FGD5: variants seen among roughly 807,000 people sequenced by gnomAD.
The protein encoded by FGD5 is FYVE, RhoGEF and PH domain-containing protein 5.
A neutral mutation model predicts 133.4 loss-of-function variants in FGD5; 28 were observed. The ratio of observed to expected loss-of-function variants is 0.21; its 90% CI spans 0.16 to 0.29. FGD5 has a LOEUF of 0.29. FGD5 is among the 10% of genes least tolerant of loss of function. FGD5 has a pLI of 1.00. For missense variants in FGD5, 1,858 were observed against 1,895.2 expected, an observed-to-expected ratio of 0.98 and a Z score of 0.36; for synonymous variants, 810 against 776.5, an observed-to-expected ratio of 1.04 and a Z score of -0.72.
In FGD5 at chr3:14,857,993, G is replaced by A. The variant is rs576351112; in HGVS notation, c.2526-6135G>A. 4.0e-5 allele frequency among the ~76,000 whole-genome samples: 6 copies of A among 151,864 alleles called. No homozygotes were observed. In the South Asian group the frequency reaches 1.3e-3, roughly 32 times the overall value. On this transcript the variant is annotated intron_variant, in intron 1 of 19. Transcript: ENST00000285046. ...AACTTGCTTGAAGTGGCACAGCTGG[G>A]ATTCCACCCAGGCAGTCTGTCTGAG...
intron 9 of FGD5, among the ~76,000 whole-genome samples, chr3:14,902,281 T>TAAAAAA (rs34728691): frequency 8.0e-6 from 1 of 124,486 alleles, no homozygotes. Flanking sequence ...GATTCCATCT[T>TAAAAAA]AAAAAAAAAA....
intron 10 of FGD5, among the ~76,000 whole-genome samples, chr3:14,910,120 A>G (rs1225970946): frequency 1.3e-5 from 2 of 152,214 alleles, no homozygotes; most frequent in Admixed American, 6.5e-5. Flanking sequence ...TAAAAAATAC[A>G]TAAAATGAAT....
Position 14,844,218 on chromosome 3 carries a change from ATATATATATATATATATATAT to A in FGD5, c.2526-19909_2526-19889del, listed in dbSNP as rs1389274115. Among the ~76,000 whole-genome samples, 119 of 21,684 alleles carry A rather than the reference ATATATATATATATATATATAT, an allele frequency of 5.5e-3. 12 individuals carry two copies. Among genetic ancestry groups the A allele is most frequent in the Middle Eastern group, 0.031 (1 of 32 alleles). 14.2% of individuals were successfully genotyped at this position (21,684 alleles called of 152,430 possible). On this transcript the variant is annotated intron_variant, in intron 1 of 19. Coordinates refer to ENST00000285046, the MANE Select transcript of FGD5 (RefSeq NM_152536.4). ...TTAATAGGCATTAAAAAAAAAAAAAATATATATATATATATATATATATATATATATATATATATATATATA... is the reference window on the plus strand; with the variant it reads ...TTAATAGGCATTAAAAAAAAAAAAAAATATATATATATATATATATATATA...
In FGD5 at chr3:14,880,122, G is replaced by A. The variant is rs533529168; in HGVS notation, c.2659-450G>A. On this transcript the variant is annotated intron_variant, in intron 2 of 19. Transcript: ENST00000285046. ...AGCACTTTGGGAGGCCAAGGTGAGC[G>A]GATTGCTTGAGCCCAGGAGTTCAAG... Among the ~76,000 whole-genome samples the A allele has an allele frequency of 1.1e-4, 16 of 152,188 alleles. No individual in the cohort carries two copies. The East Asian group carries it at 2.5e-3, about 24-fold the overall frequency.
chr3:14,833,316 T>A (rs1286610781), intron 1 of FGD5, among the ~76,000 whole-genome samples: 1 of 152,220 alleles, frequency 6.6e-6, no homozygotes, highest in Non-Finnish European at 1.5e-5. Context: ...GTTAGAGCCC[T>A]GGATAGGGCC....
chr3:14,872,421 A>G (rs1290355650), intron 2 of FGD5, among the ~76,000 whole-genome samples: 3 of 152,200 alleles, frequency 2.0e-5, no homozygotes, highest in Non-Finnish European at 4.4e-5. Context: ...GGCTGTTCTC[A>G]TGGGCTGGGA....
chr3:14,831,365 G>C (rs1365404687), intron 1 of FGD5, among the ~76,000 whole-genome samples: 3 of 152,242 alleles, frequency 2.0e-5, no homozygotes, highest in African/African-American at 7.2e-5. Context: ...TCAGCAAGTA[G>C]TTCAAAACTG....
intron 1 of FGD5, among the ~76,000 whole-genome samples, chr3:14,854,659 A>G (rs77680551): frequency 0.088 from 13,459 of 152,132 alleles, 783 homozygotes; most frequent in East Asian, 0.31. Context: ...GGCTCAGTCA[A>G]TGCTCCCGCC....
intron 1 of FGD5, among the ~76,000 whole-genome samples, chr3:14,843,298 T>C (rs2036960558): frequency 6.6e-6 from 1 of 152,210 alleles, no homozygotes. Flanking sequence ...CCCCTGGGTC[T>C]CTGCAGCTTG....
At position 14,898,054 on chromosome 3, in the gene FGD5, C is replaced by T. The variant is rs766058296; in HGVS notation, c.3025C>T (p.Leu1009Phe). 21 of 1,613,888 alleles carry T rather than the reference C, an allele frequency of 1.3e-5. No homozygotes were observed. The highest frequency in any genetic ancestry group is 1.7e-5 in the Admixed American group (1 of 60,000). Residue 1009 changes from leucine to phenylalanine, a missense_variant, in exon 6 of 20, where the codon CTC becomes TTC. Coordinates refer to ENST00000285046, the MANE Select transcript of FGD5 (RefSeq NM_152536.4). ...CCTAGGTCTGCTCAGTGAGAATTGC[C>T]TCCACTCTCCCCGGCTGGCAGCTGC... is the stretch of plus-strand genomic sequence containing the variant. ...RYLGLLSENC[L>F]HSPRLAAAVR...
chr3:14,904,831 T>C (rs1320883125), intron 9 of FGD5, among the ~76,000 whole-genome samples: 2 of 151,538 alleles, frequency 1.3e-5, no homozygotes, highest in African/African-American at 4.8e-5. Flanking sequence ...TAACCATGAG[T>C]TTTATTTTAT....
At chr3:14,875,427 G>C (rs989782033) in intron 2 of FGD5, among the ~76,000 whole-genome samples, 2 of 152,132 alleles carry the variant, frequency 1.3e-5, no homozygotes, top group African/African-American at 4.8e-5. Flanking sequence ...TGGGGATTCT[G>C]GGCACAGGAA....
intron 10 of FGD5, 86 bp from the exon 11 acceptor site, chr3:14,910,774 GT>G: frequency 8.2e-7 from 1 of 1,219,052 alleles, no homozygotes; most frequent in Non-Finnish European, 1.2e-6. Context: ...ATTGATTTAA[GT>G]TTCCACTCAG....
chr3:14,891,258 CA>C (rs1421755798), intron 4 of FGD5, among the ~76,000 whole-genome samples: 1 of 152,146 alleles, frequency 6.6e-6, no homozygotes, highest in Non-Finnish European at 1.5e-5. Context: ...AGAATGACCC[CA>C]GTACCCCAGA....
At chr3:14,904,057 C>A (rs2038292603) in intron 9 of FGD5, among the ~76,000 whole-genome samples, 1 of 152,232 alleles carries the variant, frequency 6.6e-6, no homozygotes, top group Admixed American at 6.5e-5. Context: ...AGGTACTTTT[C>A]ATCCCATCAT....
At position 14,932,623 on chromosome 3, in the gene FGD5, C is replaced by T; in HGVS notation, c.4244C>T (p.Ala1415Val). ...ESMPLLGFTIAPEKEEGSSEV... is the reference protein window; with the variant it reads ...ESMPLLGFTIVPEKEEGSSEV... Reference sequence around the variant, plus strand: ...ATGCCTCTGCTAGGCTTCACCATTGCTCCAGAAAAGGAAGAGGGCAGCAGT... The same window carrying T: ...ATGCCTCTGCTAGGCTTCACCATTGTTCCAGAAAAGGAAGAGGGCAGCAGT... Residue 1415 changes from alanine (A) to valine (V), a missense_variant, in exon 19 of 20, where the codon GCT becomes GTT. Ala to Val is a moderately conservative substitution (Grantham distance 64). Transcript: ENST00000285046. The T allele has an allele frequency of 1.2e-6, 2 of 1,614,014 alleles. No homozygotes were observed. The highest frequency in any genetic ancestry group is 2.2e-5 in the South Asian group (2 of 91,084).
At chr3:14,874,786 C>T (rs2037684276) in intron 2 of FGD5, among the ~76,000 whole-genome samples, 1 of 152,172 alleles carries the variant, frequency 6.6e-6, no homozygotes, top group African/African-American at 2.4e-5. Flanking sequence ...AAAGATCTCT[C>T]CAAAATTAAA....
chr3:14,890,986 C>T (rs959649295), intron 4 of FGD5, among the ~76,000 whole-genome samples: 3 of 152,176 alleles, frequency 2.0e-5, no homozygotes, highest in Non-Finnish European at 2.9e-5. Flanking sequence ...CCCAGTCGTC[C>T]AATACCCTAT....
intron 1 of FGD5, among the ~76,000 whole-genome samples, chr3:14,813,828 G>T (rs948710261): frequency 6.6e-6 from 1 of 152,134 alleles, no homozygotes; most frequent in African/African-American, 2.4e-5. Flanking sequence ...CCTGCTAATT[G>T]AACTTCTACA....
Sources: gnomAD v4.1 joint callset for allele counts (sites outside exome capture counted in the v4.1 genomes callset) on GRCh38, gnomAD v4.1.1 for gene constraint, MANE v1.5 for transcripts, NCBI Gene and HGNC (gene_info 2026-07-23, HGNC 2026-07-21) for gene names.